The following SIRPD variants were observed in gnomAD, a reference collection of about 807,000 sequenced individuals.
The protein encoded by SIRPD is signal regulatory protein delta, also known as signal-regulatory protein delta.
Under a neutral mutation model 18.0 loss-of-function variants are expected in SIRPD, and 21 were observed. The ratio of observed to expected loss-of-function variants is 1.17; its 90% CI spans 0.83 to 1.68. The LOEUF is 1.68. Ranked by LOEUF, SIRPD falls within the 40% of genes most tolerant of loss-of-function variation. SIRPD has a pLI of 0.00. For synonymous variants in SIRPD, 106 were observed against 92.9 expected (o/e 1.14, Z -0.81); for missense variants, 295 against 238.4 (o/e 1.24, Z -1.56).
intron 2 of SIRPD, among the ~76,000 whole-genome samples, chr20:1,549,902 T>C (rs2091011191): frequency 6.6e-6 from 1 of 152,180 alleles, no homozygotes; most frequent in South Asian, 2.1e-4. Context: ...AAAACATATG[T>C]ATACATTTTT....
chr20:1,537,464 G>T (rs2090952096), intron 2 of SIRPD, among the ~76,000 whole-genome samples, 154 bp from the exon 3 acceptor site: 1 of 152,196 alleles, frequency 6.6e-6, no homozygotes, highest in Admixed American at 6.5e-5. Flanking sequence ...GGGTCCCAAG[G>T]TGCTTGGAGG....
chr20:1,543,136 G>T lies in SIRPD; in HGVS notation c.422-5826C>A, dbSNP rs145688399. On this transcript the variant is annotated intron_variant, in intron 2 of 3. Transcript: ENST00000381623. ...TGCCAGGTTTTGGTATCAGGATGAT[G>T]CTGGCCTCATAAAATGAGTTAGGGA... 1.9e-3 allele frequency among the ~76,000 whole-genome samples: 290 copies of T among 152,316 alleles called. 1 individual carries two copies. Among genetic ancestry groups the T allele is most frequent in the Non-Finnish European group, 2.3e-3 (158 of 68,012 alleles).
At chr20:1,537,119 C>T in intron 3 of SIRPD, 36 bp downstream of exon 3, 2 of 1,604,970 alleles carry the variant, frequency 1.2e-6, no homozygotes, top group Non-Finnish European at 1.7e-6. Flanking sequence ...AGGAGAGCAT[C>T]CCTGCATCAT....
rs1166918020 is a variant in SIRPD at position 1,551,840 on chromosome 20, T to C, written c.272A>G (p.Asp91Gly). ...GNFPRVKEIGDTTKPGNTDFS... is the reference protein window; with the variant it reads ...GNFPRVKEIGGTTKPGNTDFS... Reference sequence around the variant, plus strand: ...GTCTGTGTTGCCAGGCTTGGTGGTGTCTCCAATCTCTTTTACTCTGGGAAA... The same window carrying C: ...GTCTGTGTTGCCAGGCTTGGTGGTGCCTCCAATCTCTTTTACTCTGGGAAA... Residue 91 changes from aspartate (D) to glycine (G), a missense_variant, in exon 2 of 4, where the codon GAC (aspartate) becomes GGC (glycine). Transcript: ENST00000381623. 1.9e-6 allele frequency: 3 copies of C among 1,614,104 alleles called. No homozygotes were observed. The highest frequency in any genetic ancestry group is 3.3e-4 in the Middle Eastern group (2 of 6,062).
chr20:1,552,064 T>C, intron 1 of SIRPD, 26 bp from the exon 2 acceptor site: 1 of 1,592,132 alleles, frequency 6.3e-7, no homozygotes, highest in Non-Finnish European at 8.6e-7. Context: ...AAATCATTTC[T>C]CATTTCCCCT....
intron 2 of SIRPD, among the ~76,000 whole-genome samples, chr20:1,541,494 T>C (rs2123122613): frequency 6.6e-6 from 1 of 152,360 alleles, no homozygotes; most frequent in South Asian, 2.1e-4. Flanking sequence ...TGCTTGTTTT[T>C]TTCTTGTACA....
At chr20:1,537,334 T>C in intron 2 of SIRPD, 24 bp from the exon 3 acceptor site, 1 of 1,605,726 alleles carries the variant, frequency 6.2e-7, no homozygotes, top group Non-Finnish European at 8.5e-7. Flanking sequence ...CAAAACTATG[T>C]GTTCCATGAT....
rs761641900 is a variant in SIRPD, at chr20:1,537,161, G to A, written c.571C>T (p.Leu191Phe). Residue 191 changes from leucine to phenylalanine, a missense_variant, in exon 3 of 4, where the codon CTC (leucine) becomes TTC (phenylalanine). Physicochemically the swap from Leu to Phe is conservative, Grantham distance 22. Transcript: ENST00000381623. ...QPCCCLRLLG[L>F]TGLLSK is the part of the protein sequence containing the mutation. ...TGAGGGTGGGGGCACTCACCTGTGA[G>A]TCCCAGCAGCCGGAGGCAGCAGCAG... The A allele has an allele frequency of 6.2e-7, 1 of 1,613,908 alleles. No homozygotes were observed. The highest frequency in any genetic ancestry group is 1.7e-5 in the Admixed American group (1 of 60,000).
intron 2 of SIRPD, among the ~76,000 whole-genome samples, chr20:1,551,066 T>A (rs1481648843): frequency 9.2e-5 from 14 of 152,198 alleles, no homozygotes; most frequent in Admixed American, 9.2e-4. Flanking sequence ...TTGTAGCCCT[T>A]AGGACATTGT....
At chr20:1,557,403 C>T (rs2091046321) in intron 1 of SIRPD, among the ~76,000 whole-genome samples, 178 bp downstream of exon 1, 1 of 152,020 alleles carries the variant, frequency 6.6e-6, no homozygotes, top group African/African-American at 2.4e-5. Flanking sequence ...GACATGGCCA[C>T]CGGGAGACTT....
intron 1 of SIRPD, among the ~76,000 whole-genome samples, chr20:1,552,764 C>T (rs1239560421): frequency 6.6e-6 from 1 of 152,116 alleles, no homozygotes; most frequent in Non-Finnish European, 1.5e-5. Context: ...GTCAAAACCA[C>T]AGACTGCCTA....
chr20:1,545,670 A>T (rs773158348), intron 2 of SIRPD, among the ~76,000 whole-genome samples: 25 of 152,076 alleles, frequency 1.6e-4, no homozygotes, highest in Non-Finnish European at 2.8e-4. Context: ...TGGCGAGGAG[A>T]TGTCATTCTT....
chr20:1,554,209 A>G (rs1483150148), intron 1 of SIRPD: 6 of 152,632 alleles, frequency 3.9e-5, no homozygotes, highest in Admixed American at 2.6e-4. Context: ...GAGCAGACAT[A>G]TTGCAGGCCA....
intron 2 of SIRPD, among the ~76,000 whole-genome samples, chr20:1,549,927 G>A (rs961801422): frequency 6.6e-6 from 1 of 152,034 alleles, no homozygotes; most frequent in East Asian, 1.9e-4. Context: ...ATTAAGAAAT[G>A]GCATAAATTT....
chr20:1,545,231 C>T (rs976370876), intron 2 of SIRPD, among the ~76,000 whole-genome samples: 1 of 152,128 alleles, frequency 6.6e-6, no homozygotes, highest in Admixed American at 6.5e-5. Context: ...TTCCATTCTC[C>T]CCATCACTTT....
At chr20:1,552,399 G>A (rs2091023535) in intron 1 of SIRPD, among the ~76,000 whole-genome samples, 1 of 152,168 alleles carries the variant, frequency 6.6e-6, no homozygotes, top group Non-Finnish European at 1.5e-5. Context: ...CTGGGTTCAA[G>A]TCCTGTCCTT....
At chr20:1,551,554 G>C in intron 2 of SIRPD, 137 bp downstream of exon 2, 1 of 716,240 alleles carries the variant, frequency 1.4e-6, no homozygotes, top group Non-Finnish European at 2.3e-6. Context: ...ACAGCTTGCT[G>C]AGAGAATTAA....
At position 1,536,819 on chromosome 20, in the gene SIRPD, G is replaced by A. The variant is rs949686248; in HGVS notation, c.577+336C>T. On this transcript the variant is annotated intron_variant, in intron 3 of 3. Coordinates refer to ENST00000381623, the MANE Select transcript of SIRPD (RefSeq NM_178460.3). ...TACTTCTTCTCTCAGGATGGCATCA[G>A]GTCCTGCAGGTCAGGCCTAGGGGGT... 3.3e-5 allele frequency among the ~76,000 whole-genome samples: 5 copies of A among 152,130 alleles called. No individual in the cohort carries two copies. The South Asian group carries it at 8.3e-4, about 25-fold the overall frequency.
chr20:1,552,561 G>C (rs2091024201), intron 1 of SIRPD, among the ~76,000 whole-genome samples: 1 of 152,044 alleles, frequency 6.6e-6, no homozygotes, highest in Non-Finnish European at 1.5e-5. Context: ...ACAGCATATG[G>C]TTCCACTACT....
Sources: allele counts gnomAD v4.1 joint callset (sites outside exome capture counted in the v4.1 genomes callset), GRCh38; gene constraint gnomAD v4.1.1; transcripts MANE v1.5; gene names NCBI Gene and HGNC (gene_info 2026-07-23, HGNC 2026-07-21).